The following DAPK1 variants were observed in gnomAD, a reference collection of about 807,000 sequenced individuals.
DAPK1 encodes death associated protein kinase 1, also known as death-associated protein kinase 1.
Under a neutral mutation model 144.9 loss-of-function variants are expected in DAPK1, and 56 were observed. The ratio of observed to expected loss-of-function variants is 0.39; its 90% CI spans 0.31 to 0.48. The LOEUF is 0.48. DAPK1 is among the 20% of genes least tolerant of loss of function. The pLI is 0.95. For missense variants in DAPK1, 1,454 were observed against 1,875.4 expected (o/e 0.78, Z 4.15); for synonymous variants, 690 against 749.0 (o/e 0.92, Z 1.29).
intron 2 of DAPK1, among the ~76,000 whole-genome samples, chr9:87,543,865 T>C (rs1394607783): frequency 6.6e-6 from 1 of 152,194 alleles, no homozygotes; most frequent in Non-Finnish European, 1.5e-5. Flanking sequence ...TATAGTATTA[T>C]GCTATAGTTT....
At chr9:87,517,623 T>C (rs562580929) in intron 2 of DAPK1, among the ~76,000 whole-genome samples, 1 of 152,194 alleles carries the variant, frequency 6.6e-6, no homozygotes, top group African/African-American at 2.4e-5. Flanking sequence ...TTCCTGTGAG[T>C]TTTAAAGGTA....
At chr9:87,609,540 TA>T (rs1828853825) in intron 3 of DAPK1, among the ~76,000 whole-genome samples, 1 of 152,234 alleles carries the variant, frequency 6.6e-6, no homozygotes, top group Non-Finnish European at 1.5e-5. Context: ...TTATAATTTT[TA>T]ATAGACTATT....
chr9:87,617,005 A>G (rs1307529715), intron 3 of DAPK1, among the ~76,000 whole-genome samples: 1 of 152,174 alleles, frequency 6.6e-6, no homozygotes, highest in African/African-American at 2.4e-5. Context: ...TCTGGGTTCA[A>G]AGAGATTTGT....
At chr9:87,566,865 A>G (rs1443688336) in intron 2 of DAPK1, among the ~76,000 whole-genome samples, 1 of 152,192 alleles carries the variant, frequency 6.6e-6, no homozygotes, top group African/African-American at 2.4e-5. Context: ...CTGATGAAAC[A>G]GAAATTTTAT....
chr9:87,612,969 G>C (rs1828978623), intron 3 of DAPK1, among the ~76,000 whole-genome samples: 1 of 152,176 alleles, frequency 6.6e-6, no homozygotes. Context: ...ATGGTGGATT[G>C]TTCCAGAGAA....
In DAPK1 at chr9:87,525,577, T is replaced by C. The variant is rs571069537; in HGVS notation, c.62+26438T>C. ...CATTTGAAAAAACAACAACAAAAAA[T>C]GCGTTGAATAAACGAAGGCCAAAAT... On this transcript the variant is annotated intron_variant, in intron 2 of 25. Coordinates refer to ENST00000408954, the MANE Select transcript of DAPK1 (RefSeq NM_004938.4). The C allele has an allele frequency of 1.9e-4, 162 of 847,248 alleles. No homozygotes were observed. The African/African-American group carries it at 2.5e-3, about 13-fold the overall frequency. 52.5% of individuals were successfully genotyped at this position (847,248 alleles called of 1,614,324 possible).
intron 2 of DAPK1, among the ~76,000 whole-genome samples, chr9:87,540,245 A>G (rs1406113409): frequency 7.5e-6 from 1 of 132,758 alleles, no homozygotes; most frequent in East Asian, 2.2e-4. Context: ...GCTGGAATAC[A>G]GTGGCACCAT....
rs1564000923 is a variant in DAPK1, at chr9:87,571,482, C to CCA, written c.63-33472_63-33471insCA. 1.3e-3 allele frequency among the ~76,000 whole-genome samples: 80 copies of CCA among 59,324 alleles called. 9 individuals carry two copies. The highest frequency in any genetic ancestry group is 6.1e-3 in the African/African-American group (74 of 12,204). The allele number at this position is 59,324 out of a possible 152,430, so 38.9% of individuals were successfully genotyped here. ...ACACACACACACACACACCAACACACACACACACACACCCCAACACACACA... is the reference window on the plus strand; with the variant it reads ...ACACACACACACACACACCAACACACCAACACACACACACCCCAACACACACA... On this transcript the variant is annotated intron_variant, in intron 2 of 25. Coordinates refer to ENST00000408954, the MANE Select transcript of DAPK1 (RefSeq NM_004938.4).
chr9:87,700,886 C>A (rs2118067097), intron 24 of DAPK1, among the ~76,000 whole-genome samples: 1 of 152,242 alleles, frequency 6.6e-6, no homozygotes, highest in South Asian at 2.1e-4. Context: ...CAGTCACAAA[C>A]TTTTTTGAAA....
At chr9:87,629,508 TAA>T (rs1829594862) in intron 3 of DAPK1, among the ~76,000 whole-genome samples, 1 of 152,158 alleles carries the variant, frequency 6.6e-6, no homozygotes, top group East Asian at 1.9e-4. Context: ...TATACCTACC[TAA>T]CCCTTTTATT....
chr9:87,648,903 C>G, intron 15 of DAPK1, 24 bp downstream of exon 15: 1 of 1,587,082 alleles, frequency 6.3e-7, no homozygotes, highest in Non-Finnish European at 8.7e-7. Context: ...GACATCCTCC[C>G]TTCCTCTGCT....
intron 17 of DAPK1, among the ~76,000 whole-genome samples, chr9:87,653,936 TGCCC>T (rs1201082882): frequency 1.3e-5 from 2 of 152,142 alleles, no homozygotes; most frequent in African/African-American, 4.8e-5. Context: ...TCAAGTGATC[TGCCC>T]GCTTCAGCCC....
At chr9:87,517,279 C>T (rs995066020) in intron 2 of DAPK1, among the ~76,000 whole-genome samples, 1 of 151,964 alleles carries the variant, frequency 6.6e-6, no homozygotes, top group Non-Finnish European at 1.5e-5. Flanking sequence ...ATCTGCAGAA[C>T]CCATCTGCTG....
intron 2 of DAPK1, among the ~76,000 whole-genome samples, chr9:87,533,736 C>T (rs530670220): frequency 6.6e-6 from 1 of 152,326 alleles, no homozygotes; most frequent in African/African-American, 2.4e-5. Flanking sequence ...GATCTGGGCT[C>T]ACTGCAACCT....
intron 1 of DAPK1, chr9:87,498,684 G>A (rs936519125): frequency 2.5e-6 from 1 of 396,078 alleles, no homozygotes; most frequent in African/African-American, 2.0e-5. Context: ...GAGGCGGGGA[G>A]GCCAGTCACT....
intron 2 of DAPK1, among the ~76,000 whole-genome samples, chr9:87,596,311 A>G (rs1355173240): frequency 6.6e-6 from 1 of 152,214 alleles, no homozygotes; most frequent in South Asian, 2.1e-4. Flanking sequence ...AAGATTAGGT[A>G]GCTGCATTTA....
At position 87,686,402 on chromosome 9, in the gene DAPK1, G is replaced by T. The variant is rs757464007; in HGVS notation, c.2225-149G>T. 1.6e-6 allele frequency: 1 copy of T among 611,838 alleles called. No homozygotes were observed. The highest frequency in any genetic ancestry group is 2.9e-6 in the Non-Finnish European group (1 of 339,402). The allele number at this position is 611,838 out of a possible 1,614,324, so 37.9% of individuals were successfully genotyped here. ...TGCTGGGAACACTGCTGCCCTGCAC[G>T]TGTGAGGGCAGACACACTCAGCCTG... On this transcript the variant is annotated intron_variant, in intron 20 of 25. Coordinates refer to ENST00000408954, the MANE Select transcript of DAPK1 (RefSeq NM_004938.4). This position sits in a 1 kb window ranked among gnomAD's most constrained non-coding sequence, Gnocchi z 4.2.
intron 22 of DAPK1, 85 bp from the exon 23 acceptor site, chr9:87,698,571 G>C (rs1318314209): frequency 4.9e-6 from 4 of 815,694 alleles, no homozygotes; most frequent in Admixed American, 3.9e-5. Flanking sequence ...CTGGGCATGA[G>C]GCCAACACAC....
chr9:87,620,270 C>T (rs1018211277), intron 3 of DAPK1, among the ~76,000 whole-genome samples: 1 of 152,164 alleles, frequency 6.6e-6, no homozygotes, highest in Non-Finnish European at 1.5e-5. Context: ...GGATAGAAAA[C>T]GTGTGACAGC....
Sources: allele counts gnomAD v4.1 joint callset (sites outside exome capture counted in the v4.1 genomes callset), GRCh38; gene constraint gnomAD v4.1.1; non-coding constraint Gnocchi (gnomAD v3.1); transcripts MANE v1.5; gene names NCBI Gene and HGNC (gene_info 2026-07-23, HGNC 2026-07-21).